FOXN1: variants seen among roughly 807,000 people sequenced by gnomAD.
FOXN1 encodes the protein forkhead box protein N1.
A neutral mutation model predicts 49.0 loss-of-function variants in FOXN1; 15 were observed. The observed-to-expected ratio is 0.31, with a 90% CI of 0.20 to 0.47. The LOEUF (loss-of-function observed/expected upper bound fraction) is 0.47. Among genes scored for constraint, FOXN1 ranks in the 20% least tolerant of loss-of-function variants. The pLI, the probability that FOXN1 is intolerant of heterozygous loss-of-function variation, is 1.00. For synonymous variants in FOXN1, 356 were observed against 369.0 expected, an observed-to-expected ratio of 0.96 and a Z score of 0.40; for missense variants, 800 against 842.8, an observed-to-expected ratio of 0.95 and a Z score of 0.63.
Position 28,534,975 on chromosome 17 carries a change from G to A in FOXN1, c.1404G>A (p.Pro468=), listed in dbSNP as rs766848908. The A allele has an allele frequency of 2.4e-5, 39 of 1,613,810 alleles. No individual in the cohort carries two copies. The highest frequency in any genetic ancestry group is 1.6e-4 in the Middle Eastern group (1 of 6,084). ...CAGGCCTGGCCCCTCCTGGACCCCC[G>A]CAGCCATTGTTCCCACAGCCGGACG... is the stretch of plus-strand genomic sequence containing the variant. ...LSPGLAPPGP[P]QPLFPQPDGH... The change falls in exon 8 of 9, where the codon CCG becomes CCA. Residue 468 remains proline, a synonymous_variant. Transcript: ENST00000579795. This position sits in a 1 kb window ranked among gnomAD's most constrained non-coding sequence, Gnocchi z 4.1.
At chr17:28,523,848 G>A (rs1290153334) in intron 1 of FOXN1, 108 bp from the exon 2 acceptor site, 1 of 889,724 alleles carries the variant, frequency 1.1e-6, no homozygotes, top group African/African-American at 1.7e-5. Context: ...ATGGCTGACT[G>A]GAGGCAGGGT....
intron 1 of FOXN1, among the ~76,000 whole-genome samples, chr17:28,512,503 A>C (rs552438015): frequency 2.0e-5 from 3 of 152,354 alleles, no homozygotes; most frequent in Admixed American, 2.0e-4. Context: ...GGAATAGGTG[A>C]GCACCGTGGC....
Position 28,524,739 on chromosome 17 carries a change from C to T in FOXN1, c.360C>T (p.His120=), listed in dbSNP as rs373442344. The T allele has an allele frequency of 9.3e-6, 15 of 1,612,792 alleles. No homozygotes were observed. The highest frequency in any genetic ancestry group is 1.7e-4 in the Middle Eastern group (1 of 6,060). The change falls in exon 3 of 9, where the codon CAC becomes CAT. Residue 120 remains histidine (H), a synonymous_variant. Transcript: ENST00000579795. The part of the protein sequence containing the change: ...SSPGRFLKGS[H]APFHPYKRPF... ...CTGGGCGATTCCTCAAGGGCAGCCA[C>T]GCGCCCTTCCACCCGTACAAGCGGC... is the stretch of plus-strand genomic sequence containing the variant.
At chr17:28,532,900 G>A (rs145325365) in intron 6 of FOXN1, among the ~76,000 whole-genome samples, 149 of 152,328 alleles carry the variant, frequency 9.8e-4, no homozygotes, top group African/African-American at 3.3e-3. Flanking sequence ...CATTAACTCC[G>A]CCCATGGGGC....
At chr17:28,533,180 G>A (rs1307093806) in intron 6 of FOXN1, among the ~76,000 whole-genome samples, 1 of 152,204 alleles carries the variant, frequency 6.6e-6, no homozygotes, top group African/African-American at 2.4e-5. Context: ...GGAGGAAGGA[G>A]TGGCCGCCCC....
rs562958823 is a variant in FOXN1, at chr17:28,526,395, C to T, written c.589-856C>T. 4.7e-4 allele frequency among the ~76,000 whole-genome samples: 72 copies of T among 152,340 alleles called. 1 individual carries two copies. The South Asian group carries it at 0.013, about 28-fold the overall frequency. ...GGGCCCAGATGCTGGTTTCCCAAGG[C>T]CCCTGGTAACCCCAGGAAGTGCAAT... On this transcript the variant is annotated intron_variant, in intron 3 of 8. Coordinates refer to ENST00000579795, the MANE Select transcript of FOXN1 (RefSeq NM_001369369.1).
chr17:28,515,854 A>T (rs1454495424), intron 1 of FOXN1, among the ~76,000 whole-genome samples: 1 of 149,836 alleles, frequency 6.7e-6, no homozygotes, highest in Non-Finnish European at 1.5e-5. Flanking sequence ...AGGCGTACAC[A>T]CCTCCACAGG....
intron 6 of FOXN1, among the ~76,000 whole-genome samples, chr17:28,533,466 T>C (rs553991296): frequency 1.3e-5 from 2 of 150,020 alleles, no homozygotes; most frequent in East Asian, 3.9e-4. Flanking sequence ...TAATGGGTGT[T>C]TATTCTATTG....
chr17:28,506,998 C>A (rs1028723521), intron 1 of FOXN1, among the ~76,000 whole-genome samples: 6 of 152,184 alleles, frequency 3.9e-5, no homozygotes, highest in Non-Finnish European at 7.3e-5. Context: ...AGATGGTGCA[C>A]CTTGTGGCGA....
intron 3 of FOXN1, among the ~76,000 whole-genome samples, chr17:28,525,336 G>A (rs2069742969): frequency 6.6e-6 from 1 of 152,164 alleles, no homozygotes; most frequent in Non-Finnish European, 1.5e-5. Context: ...AAGGGTTTGG[G>A]GAGGAGCCAT....
chr17:28,536,716 G>T (rs1380915726), intron 8 of FOXN1, among the ~76,000 whole-genome samples: 2 of 152,116 alleles, frequency 1.3e-5, no homozygotes, highest in African/African-American at 2.4e-5. Context: ...ATCCCATTAG[G>T]TCCAGAGTAC....
At chr17:28,516,023 G>A (rs1322331036) in intron 1 of FOXN1, among the ~76,000 whole-genome samples, 3 of 149,938 alleles carry the variant, frequency 2.0e-5, no homozygotes, top group Non-Finnish European at 4.4e-5. Flanking sequence ...CTTCCACAGG[G>A]TATACAACTC....
chr17:28,520,655 T>G (rs552318909), intron 1 of FOXN1, among the ~76,000 whole-genome samples: 1 of 152,356 alleles, frequency 6.6e-6, no homozygotes, highest in East Asian at 1.9e-4. Context: ...CTGAAGCCTC[T>G]GTTAAGGCCT....
chr17:28,532,936 A>G (rs1037595694), intron 6 of FOXN1, among the ~76,000 whole-genome samples: 1 of 152,050 alleles, frequency 6.6e-6, no homozygotes, highest in Non-Finnish European at 1.5e-5. Context: ...CCTAGTGGAG[A>G]CTGTGGTGGG....
Position 28,534,936 on chromosome 17 carries a change from C to T in FOXN1, c.1365C>T (p.Tyr455=), listed in dbSNP as rs1597567908. The T allele has an allele frequency of 6.2e-7, 1 of 1,614,130 alleles. No individual in the cohort carries two copies. Residue 455 remains tyrosine (Y), a synonymous_variant, in exon 8 of 9, where the codon TAC becomes TAT. Transcript: ENST00000579795. The surrounding 1 kb of genome is among the most constrained non-coding windows in gnomAD (Gnocchi z 4.1). ...GHTPSCYGQT[Y]LHLSPGLAPP... ...CACCCTCCTGCTATGGGCAGACATA[C>T]TTGCACCTCTCACCAGGCCTGGCCC...
intron 1 of FOXN1, among the ~76,000 whole-genome samples, chr17:28,511,221 G>A (rs370200330): frequency 6.6e-6 from 1 of 152,340 alleles, no homozygotes; most frequent in African/African-American, 2.4e-5. Flanking sequence ...AGATGGCATT[G>A]GGAGAGGAGG....
rs144687944 is a variant in FOXN1, at chr17:28,524,786, C to T, written c.407C>T (p.Pro136Leu). The T allele has an allele frequency of 6.2e-7, 1 of 1,613,648 alleles. No homozygotes were observed. Among genetic ancestry groups the T allele is most frequent in the Non-Finnish European group, 8.5e-7 (1 of 1,179,960 alleles). Residue 136 changes from proline to leucine, a missense_variant, in exon 3 of 9, where the codon CCA becomes CTA. Around this residue, in one of 3 missense-constraint regions of FOXN1, gnomAD observed 383 missense variants for 357.9 expected, o/e 1.07. Transcript: ENST00000579795. ...YKRPFHEDVF[P>L]EAETTLALKG... ...CGGCCTTTCCATGAGGACGTCTTCC[C>T]AGAGGCCGAGACCACCCTGGCCCTC...
At chr17:28,514,038 G>T in intron 1 of FOXN1, among the ~76,000 whole-genome samples, 1 of 152,180 alleles carries the variant, frequency 6.6e-6, no homozygotes, top group East Asian at 1.9e-4. Flanking sequence ...GGAAGGACAG[G>T]ACAAGAGGAC....
rs772494364 is a variant in FOXN1 at position 28,524,780 on chromosome 17, T to A, written c.401T>A (p.Val134Asp). The change falls in exon 3 of 9, where the codon GTC (valine) becomes GAC (aspartate). Residue 134 changes from valine (V) to aspartate (D), a missense_variant. By Grantham distance (152) the Val-to-Asp change is radical. Transcript: ENST00000579795. ...TACAAGCGGCCTTTCCATGAGGACG[T>A]CTTCCCAGAGGCCGAGACCACCCTG... Reference protein sequence around the residue: ...HPYKRPFHEDVFPEAETTLAL... With the variant: ...HPYKRPFHEDDFPEAETTLAL... The A allele has an allele frequency of 6.2e-7, 1 of 1,613,418 alleles. No homozygotes were observed. Among genetic ancestry groups the A allele is most frequent in the African/African-American group, 1.3e-5 (1 of 74,910 alleles).
Sources: allele counts gnomAD v4.1 joint callset (sites outside exome capture counted in the v4.1 genomes callset), GRCh38; gene constraint gnomAD v4.1.1; regional missense constraint gnomAD v4.1.1; non-coding constraint Gnocchi (gnomAD v3.1); transcripts MANE v1.5; gene names NCBI Gene and HGNC (gene_info 2026-07-23, HGNC 2026-07-21).